The following KLF15 variants were observed in gnomAD, a reference collection of about 807,000 sequenced individuals.
KLF15 encodes the protein Krueppel-like factor 15.
KLF15 carries 4 observed loss-of-function variants against 24.6 expected under a neutral mutation model. That is an observed-to-expected ratio of 0.16 (90% CI 0.08 to 0.37). The LOEUF is 0.37. KLF15 is among the 10% of genes least tolerant of loss of function. The pLI is 1.00. For synonymous variants in KLF15, 246 were observed against 236.3 expected (o/e 1.04, Z -0.37); for missense variants, 496 against 560.6 (o/e 0.88, Z 1.16).
Position 126,357,248 on chromosome 3 carries a change from G to T in KLF15, c.-37C>A, listed in dbSNP as rs1269479104. 1 of 149,346 alleles carries T rather than the reference G, an allele frequency of 6.7e-6. No homozygotes were observed. The highest frequency in any genetic ancestry group is 2.0e-4 in the East Asian group (1 of 5,086). 9.3% of individuals were successfully genotyped at this position (149,346 alleles called of 1,614,324 possible). On this transcript the variant is annotated 5_prime_UTR_variant, in exon 1 of 3. Transcript: ENST00000296233. Reference sequence around the variant, plus strand: ...CGCGCCTCTCCCACCTGAACTTGGCGCACGCCGGACCGGCGGCCAGGCCCC... The same window carrying T: ...CGCGCCTCTCCCACCTGAACTTGGCTCACGCCGGACCGGCGGCCAGGCCCC...
intron 2 of KLF15, among the ~76,000 whole-genome samples, chr3:126,349,469 C>A (rs2082564090): frequency 6.6e-6 from 1 of 152,194 alleles, no homozygotes; most frequent in Non-Finnish European, 1.5e-5. Flanking sequence ...TGTGTCAGAG[C>A]TGAATCCCCT....
At chr3:126,322,868 A>C in the KLF15 span, among the ~76,000 whole-genome samples, 1 of 152,188 alleles carries the variant, frequency 6.6e-6, no homozygotes, top group Non-Finnish European at 1.5e-5. Context: ...CAGGCAATAC[A>C]TGGGATAAAT....
At chr3:126,308,612 T>G in the KLF15 span, among the ~76,000 whole-genome samples, 34 of 151,966 alleles carry the variant, frequency 2.2e-4, no homozygotes, top group Non-Finnish European at 4.7e-4. Context: ...GTGTGGCTGG[T>G]ATTAGGGCTC....
intron 1 of KLF15, among the ~76,000 whole-genome samples, chr3:126,353,374 G>A (rs1452764889): frequency 2.6e-5 from 4 of 152,158 alleles, no homozygotes; most frequent in African/African-American, 7.2e-5. Context: ...TCAGCTTCAC[G>A]CCTGTTGAGT....
At chr3:126,318,007 C>A in the KLF15 span, among the ~76,000 whole-genome samples, 16 of 152,138 alleles carry the variant, frequency 1.1e-4, no homozygotes, top group Admixed American at 8.5e-4. Context: ...TTTCTGAGCT[C>A]CTGATTCCAT....
intron 2 of KLF15, among the ~76,000 whole-genome samples, chr3:126,346,697 G>A (rs1238654128): frequency 2.0e-5 from 3 of 152,224 alleles, no homozygotes; most frequent in Admixed American, 6.5e-5. Context: ...GAACTTCCCT[G>A]GGAACTGAGC....
chr3:126,314,317 G>A, the KLF15 span, among the ~76,000 whole-genome samples: 1 of 152,212 alleles, frequency 6.6e-6, no homozygotes, highest in Admixed American at 6.5e-5. Context: ...ACATACAGGG[G>A]TGGGAGGAGC....
chr3:126,294,970 T>C, the KLF15 span, among the ~76,000 whole-genome samples: 1 of 152,228 alleles, frequency 6.6e-6, no homozygotes. Flanking sequence ...CATGTATATA[T>C]GTGCATATAT....
At chr3:126,321,147 A>C in the KLF15 span, among the ~76,000 whole-genome samples, 1 of 152,038 alleles carries the variant, frequency 6.6e-6, no homozygotes, top group Non-Finnish European at 1.5e-5. Flanking sequence ...TGTGTACTAC[A>C]CATGTGATCT....
chr3:126,343,967 C>T (rs572870313), intron 2 of KLF15, 72 bp from the exon 3 acceptor site: 202 of 1,455,002 alleles, frequency 1.4e-4, no homozygotes, highest in Non-Finnish European at 1.7e-4. Flanking sequence ...ACGAAGTTGC[C>T]GGGATGCAAG....
intron 2 of KLF15, among the ~76,000 whole-genome samples, chr3:126,344,267 C>A (rs2082513057): frequency 6.6e-6 from 1 of 151,974 alleles, no homozygotes; most frequent in East Asian, 1.9e-4. Flanking sequence ...CCTATGTTGC[C>A]CAGGCTGGTG....
At chr3:126,351,728 C>T (rs1201588328) in intron 2 of KLF15, 113 bp downstream of exon 2, 2 of 768,882 alleles carry the variant, frequency 2.6e-6, no homozygotes, top group Admixed American at 2.9e-5. Flanking sequence ...GCCCCTCCCT[C>T]CCCTCCCTCA....
chr3:126,309,605 C>T, the KLF15 span, among the ~76,000 whole-genome samples: 2 of 152,238 alleles, frequency 1.3e-5, no homozygotes, highest in African/African-American at 4.8e-5. Context: ...AGAGGGCCTA[C>T]AAGAAACGAC....
chr3:126,352,425 G>T lies in KLF15; in HGVS notation c.498C>A (p.Asp166Glu), dbSNP rs199545384. The T allele has an allele frequency of 1.9e-6, 3 of 1,613,584 alleles. No homozygotes were observed. The African/African-American group carries it at 4.0e-5, about 21-fold the overall frequency. Residue 166 changes from aspartate to glutamate, a missense_variant, in exon 2 of 3, where the codon GAC (aspartate) becomes GAA (glutamate). Physicochemically the swap from Asp to Glu is conservative, Grantham distance 45 (BLOSUM62 2). Around this residue, in one of 3 missense-constraint regions of KLF15, gnomAD observed 399 missense variants for 423.1 expected, o/e 0.94. Transcript: ENST00000296233. ...CTGAGAGCTGGCTGCAGGCATCCAA[G>T]TCCTTGCTGTTGCCCTCAGGGACCT... The part of the protein sequence containing the change: ...VKEVPEGNSK[D>E]LDACSQLSAG...
Position 126,352,460 on chromosome 3 carries a change from C to T in KLF15, c.463G>A (p.Gly155Arg). 1 of 1,613,602 alleles carries T rather than the reference C, an allele frequency of 6.2e-7. No individual in the cohort carries two copies. Among genetic ancestry groups the T allele is most frequent in the Non-Finnish European group, 8.5e-7 (1 of 1,180,020 alleles). The change falls in exon 2 of 3, where the codon GGA becomes AGA. Residue 155 changes from glycine (G) to arginine (R), a missense_variant. Around this residue, in one of 3 missense-constraint regions of KLF15, gnomAD observed 399 missense variants for 423.1 expected, o/e 0.94. Coordinates refer to ENST00000296233, the MANE Select transcript of KLF15 (RefSeq NM_014079.4). ...EEFLEENMEP[G>R]VKEVPEGNSK... ...TTGCCCTCAGGGACCTCCTTGACTC[C>T]AGGCTCCATGTTCTCCTCCAGAAAC...
chr3:126,323,411 A>T, the KLF15 span, among the ~76,000 whole-genome samples: 1 of 34,162 alleles, frequency 2.9e-5, no homozygotes, highest in Non-Finnish European at 4.8e-5. Flanking sequence ...AGTTATATAT[A>T]TATATATATA....
intron 1 of KLF15, among the ~76,000 whole-genome samples, chr3:126,353,501 G>A (rs976925192): frequency 1.3e-5 from 2 of 152,218 alleles, no homozygotes; most frequent in Admixed American, 1.3e-4. Flanking sequence ...TCGAATTTCA[G>A]ATTTAAAAAA....
At chr3:126,323,668 C>G in the KLF15 span, among the ~76,000 whole-genome samples, 9 of 136,136 alleles carry the variant, frequency 6.6e-5, no homozygotes, top group Non-Finnish European at 1.3e-4. Flanking sequence ...CCCCCACCCC[C>G]CAACAGGCAC....
chr3:126,331,699 T>A, the KLF15 span, among the ~76,000 whole-genome samples: 1 of 152,360 alleles, frequency 6.6e-6, no homozygotes, highest in South Asian at 2.1e-4. Flanking sequence ...CATTTCCATC[T>A]GAGGTACCGG....
Sources: allele counts gnomAD v4.1 joint callset (sites outside exome capture counted in the v4.1 genomes callset), GRCh38; gene constraint gnomAD v4.1.1; regional missense constraint gnomAD v4.1.1; transcripts MANE v1.5; gene names NCBI Gene and HGNC (gene_info 2026-07-23, HGNC 2026-07-21).